LYZL2: variants seen among roughly 807,000 people sequenced by gnomAD.
LYZL2 encodes the protein lysozyme like 2.
Under a neutral mutation model 17.1 loss-of-function variants are expected in LYZL2, and 13 were observed. That is an observed-to-expected ratio of 0.76 (90% CI 0.49 to 1.21). The LOEUF is 1.21. LYZL2 is among the 50% of genes most tolerant of loss of function. The pLI, the probability that LYZL2 is intolerant of heterozygous loss-of-function variation, is 0.00. For synonymous variants in LYZL2, 63 were observed against 74.4 expected, an observed-to-expected ratio of 0.85 and a Z score of 0.79; for missense variants, 166 against 189.2, an observed-to-expected ratio of 0.88 and a Z score of 0.72.
chr10:30,618,995 C>T (rs1838577693), intron 3 of LYZL2, among the ~76,000 whole-genome samples: 1 of 152,158 alleles, frequency 6.6e-6, no homozygotes, highest in Admixed American at 6.5e-5. Context: ...AAACAAACAA[C>T]CCCACCAACA....
chr10:30,615,527 C>T (rs1164728314), intron 3 of LYZL2, among the ~76,000 whole-genome samples: 1 of 152,074 alleles, frequency 6.6e-6, no homozygotes, highest in Non-Finnish European at 1.5e-5. Context: ...GTTCTTCTCT[C>T]TCTCTCTCTC....
At chr10:30,608,772 T>A (rs921386990), downstream of LYZL2, among the ~76,000 whole-genome samples, 1 of 152,164 alleles carries the variant, frequency 6.6e-6, no homozygotes, top group Non-Finnish European at 1.5e-5. Context: ...TAATGCGAGG[T>A]CTGATTTGTA....
At position 30,628,116 on chromosome 10, in the gene LYZL2, C is replaced by T. The variant is rs570534145; in HGVS notation, c.-25-1176G>A. ...CTGAGCTTGCAGTGAGCGGAGATTG[C>T]GCCACTGCACTCCAGCCTGGGCGAC... On this transcript the variant is annotated intron_variant, in intron 1 of 4. Coordinates refer to ENST00000647634, the MANE Select transcript of LYZL2 (RefSeq NM_183058.3). Among the ~76,000 whole-genome samples, 3 of 151,936 alleles carry T rather than the reference C, an allele frequency of 2.0e-5. No individual in the cohort carries two copies. The South Asian group carries it at 6.2e-4, about 32-fold the overall frequency.
intron 1 of LYZL2, among the ~76,000 whole-genome samples, chr10:30,628,186 G>A (rs1838750606): frequency 1.3e-5 from 2 of 152,072 alleles, no homozygotes; most frequent in South Asian, 4.2e-4. Flanking sequence ...ATCGTTTGGG[G>A]GTTTATTGAA....
downstream of LYZL2, chr10:30,611,740 A>AG (rs1387182027): frequency 4.3e-5 from 20 of 464,172 alleles, no homozygotes; most frequent in Middle Eastern, 6.1e-4. Flanking sequence ...AAGAAAGGAA[A>AG]GAAAGAAAGA....
At chr10:30,614,767 T>A (rs1838501944) in intron 3 of LYZL2, among the ~76,000 whole-genome samples, 1 of 152,156 alleles carries the variant, frequency 6.6e-6, no homozygotes, top group South Asian at 2.1e-4. Context: ...CATAGCAGCA[T>A]GTGTTTAGAG....
At chr10:30,613,975 G>A (rs1401372236) in intron 3 of LYZL2, among the ~76,000 whole-genome samples, 1 of 152,176 alleles carries the variant, frequency 6.6e-6, no homozygotes, top group East Asian at 1.9e-4. Flanking sequence ...CTCCCAAAGT[G>A]CTGGGATTAC....
intron 3 of LYZL2, among the ~76,000 whole-genome samples, chr10:30,623,549 G>A (rs1156464640): frequency 6.6e-6 from 1 of 152,038 alleles, no homozygotes; most frequent in Non-Finnish European, 1.5e-5. Context: ...TCAGATCAGT[G>A]GCCGCATTAG....
At chr10:30,620,509 C>T (rs779559140) in intron 3 of LYZL2, among the ~76,000 whole-genome samples, 1 of 152,194 alleles carries the variant, frequency 6.6e-6, no homozygotes, top group Non-Finnish European at 1.5e-5. Context: ...ATCTCCTTTG[C>T]TATGTGTCTT....
intron 3 of LYZL2, among the ~76,000 whole-genome samples, chr10:30,622,919 A>G (rs1838647728): frequency 6.6e-6 from 1 of 152,264 alleles, no homozygotes. Flanking sequence ...TTCACCTTAA[A>G]TATAAAGACA....
chr10:30,625,492 AACCCCATAGCAAG>A (rs1351317100), intron 3 of LYZL2, among the ~76,000 whole-genome samples: 2 of 151,788 alleles, frequency 1.3e-5, no homozygotes, highest in East Asian at 3.9e-4. Flanking sequence ...CCTGGGAGAG[AACCCCATAGCAAG>A]ACCCCACAGA....
chr10:30,612,164 G>A (rs1186076332), intron 4 of LYZL2, 140 bp from the exon 5 acceptor site: 9 of 1,042,470 alleles, frequency 8.6e-6, no homozygotes, highest in Admixed American at 6.8e-5. Flanking sequence ...ATCAAAGGAC[G>A]CTGTCATTTT....
intron 3 of LYZL2, among the ~76,000 whole-genome samples, chr10:30,614,806 A>G (rs1446259235): frequency 6.6e-6 from 1 of 152,152 alleles, no homozygotes; most frequent in Non-Finnish European, 1.5e-5. Context: ...CCTTTCACCT[A>G]ATAATTTCTC....
chr10:30,629,265 G>A (rs1838768297), intron 1 of LYZL2, among the ~76,000 whole-genome samples: 1 of 152,094 alleles, frequency 6.6e-6, no homozygotes, highest in African/African-American at 2.4e-5. Context: ...ATAGTGGTGT[G>A]TGACTGTGGT....
chr10:30,613,564 C>A (rs2814635), intron 3 of LYZL2, among the ~76,000 whole-genome samples: 106,828 of 151,588 alleles, frequency 0.7, 38,008 homozygotes, highest in Middle Eastern at 0.8. Flanking sequence ...GTTAGTTTGA[C>A]GTGTAAGGTT....
At chr10:30,607,155 A>G (rs78769722), downstream of LYZL2, among the ~76,000 whole-genome samples, 9 of 8,148 alleles carry the variant, frequency 1.1e-3, no homozygotes, top group African/African-American at 4.6e-3. Context: ...CAGGTGATCC[A>G]CCCGCCTTGG....
the LYZL2 span, among the ~76,000 whole-genome samples, chr10:30,606,255 T>C: frequency 6.6e-6 from 1 of 152,174 alleles, no homozygotes; most frequent in African/African-American, 2.4e-5. Flanking sequence ...TCACATAAAA[T>C]GTAGTTTATC....
At position 30,611,936 on chromosome 10, in the gene LYZL2, T is replaced by C. The variant is rs750269154; in HGVS notation, c.*19A>G. 1 of 1,614,094 alleles carries C rather than the reference T, an allele frequency of 6.2e-7. No homozygotes were observed. The highest frequency in any genetic ancestry group is 8.5e-7 in the Non-Finnish European group (1 of 1,180,046). ...AACCCTAGGGCGTTGCTGCAAAGCA[T>C]CCTGGGTCCAGTTCCAGTTTAGGAA... On this transcript the variant is annotated 3_prime_UTR_variant, in exon 5 of 5. Coordinates refer to ENST00000647634, the MANE Select transcript of LYZL2 (RefSeq NM_183058.3).
downstream of LYZL2, among the ~76,000 whole-genome samples, chr10:30,609,007 T>A (rs1838404014): frequency 6.6e-6 from 1 of 152,192 alleles, no homozygotes; most frequent in East Asian, 1.9e-4. Context: ...ACGCAGCTAA[T>A]CTTTGTATTT....
Sources: allele counts gnomAD v4.1 joint callset (sites outside exome capture counted in the v4.1 genomes callset), GRCh38; gene constraint gnomAD v4.1.1; transcripts MANE v1.5; gene names NCBI Gene and HGNC (gene_info 2026-07-23, HGNC 2026-07-21).